PDE1A: variants seen among roughly 807,000 people sequenced by gnomAD.
PDE1A encodes the protein dual specificity calcium/calmodulin-dependent 3',5'-cyclic nucleotide phosphodiesterase 1A.
PDE1A carries 35 observed loss-of-function variants against 61.7 expected under a neutral mutation model. That is an observed-to-expected ratio of 0.57 (90% CI 0.43 to 0.75). The LOEUF (loss-of-function observed/expected upper bound fraction) is 0.75, where lower values mean the gene tolerates loss of function less well. PDE1A is among the 30% of genes least tolerant of loss of function. PDE1A has a pLI of 0.00. For synonymous variants in PDE1A, 232 were observed against 213.2 expected, an observed-to-expected ratio of 1.09 and a Z score of -0.77; for missense variants, 597 against 630.6, an observed-to-expected ratio of 0.95 and a Z score of 0.57.
intron 2 of PDE1A, among the ~76,000 whole-genome samples, chr2:182,498,097 G>A (rs1259692065): frequency 1.4e-5 from 2 of 140,056 alleles, no homozygotes; most frequent in Admixed American, 1.4e-4. Context: ...ACACTGTTAT[G>A]AAGCCCACTG....
At chr2:182,540,056 A>C in the PDE1A span, among the ~76,000 whole-genome samples, 2 of 152,170 alleles carry the variant, frequency 1.3e-5, no homozygotes, top group African/African-American at 4.8e-5. Flanking sequence ...ACTGACATCA[A>C]ATCATTTATT....
the PDE1A span, among the ~76,000 whole-genome samples, chr2:182,560,749 T>G: frequency 6.6e-6 from 1 of 151,942 alleles, no homozygotes; most frequent in African/African-American, 2.4e-5. Flanking sequence ...TTTTAATGAT[T>G]GCCATTCTAA....
chr2:182,207,571 A>G (rs1160483547), intron 7 of PDE1A, among the ~76,000 whole-genome samples: 1 of 152,254 alleles, frequency 6.6e-6, no homozygotes, highest in Non-Finnish European at 1.5e-5. Flanking sequence ...GCAGAGCATA[A>G]AAGTTTAAAA....
At chr2:182,208,591 C>T (rs1419768150) in intron 7 of PDE1A, among the ~76,000 whole-genome samples, 2 of 152,174 alleles carry the variant, frequency 1.3e-5, no homozygotes, top group Non-Finnish European at 2.9e-5. Context: ...CGACAGCTTG[C>T]ACTGTGCACA....
rs79724945 is a variant in PDE1A, at chr2:182,400,480, G to C, written c.53+26098C>G. Among the ~76,000 whole-genome samples the C allele has an allele frequency of 2.9e-3, 442 of 152,268 alleles. 2 individuals carry two copies. The highest frequency in any genetic ancestry group is 0.01 in the African/African-American group (421 of 41,566). On this transcript the variant is annotated intron_variant, in intron 1 of 13. Transcript: ENST00000351439. ...CCCAGAAAGAGCTTTCAGAACACAT[G>C]TGTTTGTTTTCTCTTCCCTCCTTAC...
At chr2:182,230,984 G>C (rs1365314576) in intron 5 of PDE1A, 31 bp downstream of exon 5, 1 of 1,012,204 alleles carries the variant, frequency 9.9e-7, no homozygotes, top group East Asian at 2.4e-5. Flanking sequence ...CCAATTCTAA[G>C]AGCATTTCAC....
intron 10 of PDE1A, among the ~76,000 whole-genome samples, chr2:182,194,848 A>T (rs1421927627): frequency 6.6e-6 from 1 of 151,056 alleles, no homozygotes; most frequent in Non-Finnish European, 1.5e-5. Context: ...AAGTTAACAC[A>T]TCACAAAATT....
chr2:182,221,983 G>A lies in PDE1A; in HGVS notation c.776+1881C>T, dbSNP rs1411930663. 5.3e-5 allele frequency among the ~76,000 whole-genome samples: 8 copies of A among 151,824 alleles called. 1 individual carries two copies. Among genetic ancestry groups the A allele is most frequent in the Admixed American group, 3.3e-4 (5 of 15,194 alleles). ...AAAGTGTCTAATATTTTAATAAACT[G>A]TTTCTATATTCCCCACATCAAACAA... On this transcript the variant is annotated intron_variant, in intron 7 of 13. Transcript: ENST00000351439.
At chr2:182,533,179 C>T in the PDE1A span, among the ~76,000 whole-genome samples, 1 of 151,662 alleles carries the variant, frequency 6.6e-6, no homozygotes, top group Admixed American at 6.6e-5. Context: ...GGTGTAGTGG[C>T]GCATGCCTGT....
Position 182,451,682 on chromosome 2 carries a change from T to A in PDE1A, c.101+70594A>T, listed in dbSNP as rs954135129. Among the ~76,000 whole-genome samples, 3 of 152,138 alleles carry A rather than the reference T, an allele frequency of 2.0e-5. No individual in the cohort carries two copies. In the South Asian group the frequency reaches 6.2e-4, roughly 32 times the overall value. ...GCTCACATGTCAATGCAAACTTGCA[T>A]AACCTATACTCTAGTTGCTTAAACT... On this transcript the variant is annotated intron_variant, in intron 2 of 14. Transcript: ENST00000410103.
chr2:182,656,487 T>G, the PDE1A span, among the ~76,000 whole-genome samples: 1 of 152,302 alleles, frequency 6.6e-6, no homozygotes, highest in South Asian at 2.1e-4. Context: ...ATCACTTAGC[T>G]ATACTGGATG....
the PDE1A span, among the ~76,000 whole-genome samples, chr2:182,694,438 A>T: frequency 2.0e-5 from 3 of 152,340 alleles, 1 homozygote; most frequent in African/African-American, 7.2e-5. Flanking sequence ...AACACTGAGC[A>T]TCGGGAATCC....
chr2:182,274,530 C>T (rs566783044), intron 1 of PDE1A, among the ~76,000 whole-genome samples: 6 of 152,134 alleles, frequency 3.9e-5, no homozygotes, highest in South Asian at 2.1e-4. Context: ...TTTCAAGAAG[C>T]GTCTCTTGAA....
At chr2:182,700,578 C>T in the PDE1A span, among the ~76,000 whole-genome samples, 1 of 151,686 alleles carries the variant, frequency 6.6e-6, no homozygotes, top group Non-Finnish European at 1.5e-5. Context: ...AAAAATTAGC[C>T]AGGTGTGGTG....
chr2:182,288,212 T>C (rs893980958), intron 1 of PDE1A, among the ~76,000 whole-genome samples: 3 of 152,152 alleles, frequency 2.0e-5, no homozygotes, highest in African/African-American at 7.2e-5. Flanking sequence ...TGAGAACTTT[T>C]GATATGCCAG....
At position 182,360,008 on chromosome 2, in the gene PDE1A, A is replaced by G. The variant is rs1467721687; in HGVS notation, c.53+66570T>C. ...CAAATACCATGAAGAAAATGCTACA[A>G]AAGTTTTAATGTAGCATTCCTCTTT... On this transcript the variant is annotated intron_variant, in intron 1 of 13. Transcript: ENST00000351439. Among the ~76,000 whole-genome samples the G allele has an allele frequency of 2.0e-5, 3 of 152,236 alleles. No homozygotes were observed. The East Asian group carries it at 5.8e-4, about 29-fold the overall frequency.
the PDE1A span, among the ~76,000 whole-genome samples, chr2:182,535,564 CTA>C: frequency 6.6e-6 from 1 of 151,998 alleles, no homozygotes; most frequent in Admixed American, 6.6e-5. Flanking sequence ...TTTTAGTTAA[CTA>C]TCTTGGAGTT....
intron 6 of PDE1A, 38 bp from the exon 7 acceptor site, chr2:182,224,002 G>A (rs377283034): frequency 2.2e-4 from 298 of 1,355,096 alleles, no homozygotes; most frequent in Non-Finnish European, 3.0e-4. Context: ...TATTCAAGAA[G>A]TAGATAACAT....
intron 1 of PDE1A, among the ~76,000 whole-genome samples, chr2:182,398,560 C>T (rs956960135): frequency 2.6e-5 from 4 of 151,878 alleles, no homozygotes; most frequent in Admixed American, 6.6e-5. Flanking sequence ...AAATATATGA[C>T]CTTATTTTCA....
Sources: gnomAD v4.1 joint callset for allele counts (sites outside exome capture counted in the v4.1 genomes callset) on GRCh38, gnomAD v4.1.1 for gene constraint, MANE v1.5 for transcripts, NCBI Gene and HGNC (gene_info 2026-07-23, HGNC 2026-07-21) for gene names.